NLGN4X: variants seen among roughly 807,000 people sequenced by gnomAD.
The protein encoded by NLGN4X is neuroligin 4 X-linked.
In NLGN4X, 3 loss-of-function variants were observed where a neutral mutation model predicts 40.3. The ratio of observed to expected loss-of-function variants is 0.07; its 90% CI spans 0.03 to 0.19. The LOEUF (loss-of-function observed/expected upper bound fraction) is 0.19. NLGN4X is among the 10% of genes least tolerant of loss of function. The pLI is 1.00. For missense variants in NLGN4X, 382 were observed against 708.3 expected (o/e 0.54, Z 5.23); for synonymous variants, 270 against 306.8 (o/e 0.88, Z 1.25).
At chrX:5,963,677 C>G (rs1204711149) in intron 3 of NLGN4X, among the ~76,000 whole-genome samples, 5 of 111,847 alleles carry the variant, frequency 4.5e-5, no homozygotes, top group Non-Finnish European at 9.4e-5. Context: ...AATGACTGGT[C>G]CTTGGAAAAG....
At chrX:5,911,415 T>C (rs748943440) in intron 3 of NLGN4X, among the ~76,000 whole-genome samples, 2 of 112,023 alleles carry the variant, frequency 1.8e-5, no homozygotes, top group South Asian at 7.4e-4. Context: ...GGCTAATGAA[T>C]ATCCCCTGCC....
intron 3 of NLGN4X, among the ~76,000 whole-genome samples, chrX:5,996,958 G>A (rs891084894): frequency 3.6e-5 from 4 of 111,112 alleles, no homozygotes; most frequent in South Asian, 3.7e-4. Flanking sequence ...TAATTCTTGC[G>A]TAGATAATCA....
chrX:6,112,181 A>T (rs751663228), intron 2 of NLGN4X, among the ~76,000 whole-genome samples: 1 of 111,617 alleles, frequency 9.0e-6, no homozygotes, highest in South Asian at 3.8e-4. Context: ...GGACTAAAAA[A>T]CTTCCTGTGC....
intron 2 of NLGN4X, among the ~76,000 whole-genome samples, chrX:6,107,140 C>T (rs1330769348): frequency 8.9e-6 from 1 of 112,235 alleles, no homozygotes; most frequent in Non-Finnish European, 1.9e-5. Context: ...CTAGTTCTAC[C>T]ACAGCTGGAG....
At chrX:6,226,116 G>C (rs1926279965) in intron 1 of NLGN4X, among the ~76,000 whole-genome samples, 1 of 102,250 alleles carries the variant, frequency 9.8e-6, no homozygotes, top group African/African-American at 3.6e-5. Flanking sequence ...AATTCGTGAC[G>C]CGCGCGCCCA....
intron 2 of NLGN4X, among the ~76,000 whole-genome samples, chrX:6,143,125 T>A (rs1484382501): frequency 1.8e-5 from 2 of 112,349 alleles, no homozygotes; most frequent in African/African-American, 6.5e-5. Context: ...TGCACTAACA[T>A]CAGATTACAG....
chrX:5,903,230 C>G lies in NLGN4X; in HGVS notation c.1448G>C (p.Ser483Thr), dbSNP rs1279736218. The change falls in exon 5 of 6, where the codon AGC becomes ACC. Residue 483 changes from serine (S) to threonine (T), a missense_variant. By Grantham distance (58) the Ser-to-Thr change is moderately conservative. Around this residue, in one of 5 missense-constraint regions of NLGN4X, gnomAD observed 149 missense variants for 375.8 expected, o/e 0.40. Coordinates refer to ENST00000381095, the MANE Select transcript of NLGN4X (RefSeq NM_181332.3). ...ATCACCATGGGCCGAATCTGCCCAG[C>G]TGGGCTTCATTTCGCTTTGGCAGTG... ...YHHCQSEMKP[S>T]WADSAHGDEV... is the part of the protein sequence containing the mutation. The G allele has an allele frequency of 1.7e-6, 2 of 1,212,045 alleles. No homozygotes were observed. Among genetic ancestry groups the G allele is most frequent in the East Asian group, 5.9e-5 (2 of 33,820 alleles).
At position 5,893,004 on chromosome X, in the gene NLGN4X, G is replaced by T. The variant is rs780463669; in HGVS notation, c.2264C>A (p.Thr755Asn). 4.1e-6 allele frequency: 5 copies of T among 1,209,215 alleles called. No homozygotes were observed. Among genetic ancestry groups the T allele is most frequent in the African/African-American group, 1.8e-5 (1 of 56,864 alleles). The change falls in exon 6 of 6, where the codon ACC becomes AAC. Residue 755 changes from threonine to asparagine, a missense_variant. Transcript: ENST00000381095. Reference sequence around the variant, plus strand: ...CGTGAGGGTGTAGTCTGGCGGGCAGGTGAGCCTCAGTGTGTCGTGTGCCTG... The same window carrying T: ...CGTGAGGGTGTAGTCTGGCGGGCAGTTGAGCCTCAGTGTGTCGTGTGCCTG... ...SLQAHDTLRL[T>N]CPPDYTLTLR...
intron 1 of NLGN4X, among the ~76,000 whole-genome samples, chrX:6,195,853 A>G (rs1922992087): frequency 9.0e-6 from 1 of 111,226 alleles, no homozygotes; most frequent in African/African-American, 3.3e-5. Flanking sequence ...CAATGGCACG[A>G]TCACAGCTGG....
intron 2 of NLGN4X, among the ~76,000 whole-genome samples, chrX:6,121,543 T>C (rs1248900381): frequency 8.9e-6 from 1 of 112,359 alleles, no homozygotes; most frequent in Non-Finnish European, 1.9e-5. Flanking sequence ...AGAGAGAATA[T>C]TCTTGCAGCC....
intron 4 of NLGN4X, 118 bp downstream of exon 4, chrX:5,908,936 A>G: frequency 1.2e-6 from 1 of 811,417 alleles, no homozygotes; most frequent in East Asian, 3.3e-5. Context: ...TCTTTTGGGC[A>G]TTTTCTGTTG....
rs1432163901 is a variant in NLGN4X at position 5,903,287 on chromosome X, C to G, written c.1391G>C (p.Gly464Ala). Residue 464 changes from glycine (G) to alanine (A), a missense_variant, in exon 5 of 6, where the codon GGC (glycine) becomes GCC (alanine). By Grantham distance (60) the Gly-to-Ala change is moderately conservative. Around this residue, in one of 5 missense-constraint regions of NLGN4X, gnomAD observed 149 missense variants for 375.8 expected, o/e 0.40. Transcript: ENST00000381095. ...VATADLHAQY[G>A]SPTYFYAFYH... Reference sequence around the variant, plus strand: ...GAAGGCATAGAAGTAGGTGGGGGAGCCGTACTGCGCGTGCAGGTCGGCGGT... The same window carrying G: ...GAAGGCATAGAAGTAGGTGGGGGAGGCGTACTGCGCGTGCAGGTCGGCGGT... 8.3e-7 allele frequency: 1 copy of G among 1,209,877 alleles called. No individual in the cohort carries two copies. Among genetic ancestry groups the G allele is most frequent in the Non-Finnish European group, 1.1e-6 (1 of 895,126 alleles).
At chrX:5,997,353 T>C (rs1300178386) in intron 3 of NLGN4X, among the ~76,000 whole-genome samples, 1 of 106,322 alleles carries the variant, frequency 9.4e-6, no homozygotes, top group Non-Finnish European at 1.9e-5. Context: ...TATTCTCCAA[T>C]GAATCAAAGG....
chrX:6,132,176 C>T (rs946878261), intron 2 of NLGN4X, among the ~76,000 whole-genome samples: 1 of 111,709 alleles, frequency 9.0e-6, no homozygotes, highest in African/African-American at 3.3e-5. Context: ...AACATCAGCA[C>T]TGTGGGCATT....
intron 1 of NLGN4X, among the ~76,000 whole-genome samples, chrX:6,201,971 T>A (rs1307277676): frequency 9.0e-6 from 1 of 111,359 alleles, no homozygotes; most frequent in Non-Finnish European, 1.9e-5. Flanking sequence ...GGATGGAATT[T>A]AGGGAGCGAC....
At chrX:6,078,459 T>C (rs368574414) in intron 2 of NLGN4X, among the ~76,000 whole-genome samples, 67 of 111,499 alleles carry the variant, frequency 6.0e-4, no homozygotes, top group African/African-American at 2.1e-3. Flanking sequence ...CACTTACTTC[T>C]GACTTCTCCT....
Position 5,909,195 on chromosome X carries a change from G to T in NLGN4X, c.670C>A (p.Leu224Ile), listed in dbSNP as rs1252852432. Residue 224 changes from leucine (L) to isoleucine (I), a missense_variant, in exon 4 of 6, where the codon CTC (leucine) becomes ATC (isoleucine). Leu to Ile is a conservative substitution (Grantham distance 5, BLOSUM62 2). Transcript: ENST00000381095. ...CGCAGTGCTTGAATCTGATCCAGGA[G>T]CCCATAGTTGCCTTTTGCTGCCTGG... The part of the protein sequence containing the change: ...GDQAAKGNYG[L>I]LDQIQALRWI... 8.3e-7 allele frequency: 1 copy of T among 1,209,713 alleles called. No individual in the cohort carries two copies. Among genetic ancestry groups the T allele is most frequent in the Non-Finnish European group, 1.1e-6 (1 of 895,218 alleles).
chrX:5,984,463 CA>C (rs201307322), intron 3 of NLGN4X, among the ~76,000 whole-genome samples: 7,328 of 109,273 alleles, frequency 0.067, 623 homozygotes, highest in African/African-American at 0.23. Context: ...GAAACAGCAC[CA>C]AAATTTGAAG....
intron 2 of NLGN4X, among the ~76,000 whole-genome samples, chrX:6,089,031 T>A (rs2038570118): frequency 1.8e-5 from 2 of 112,165 alleles, no homozygotes; most frequent in Non-Finnish European, 3.8e-5. Flanking sequence ...GGAAAATCAT[T>A]GGCAAATTAC....
Sources: gnomAD v4.1 joint callset for allele counts (sites outside exome capture counted in the v4.1 genomes callset) on GRCh38, gnomAD v4.1.1 for gene constraint, gnomAD v4.1.1 regional missense constraint, MANE v1.5 for transcripts, NCBI Gene and HGNC (gene_info 2026-07-23, HGNC 2026-07-21) for gene names.